The following SLC35F1 variants were observed in gnomAD, a reference collection of about 807,000 sequenced individuals.
The protein encoded by SLC35F1 is solute carrier family 35 member F1, also known as chromosome 6 open reading frame 169.
Under a neutral mutation model 48.7 loss-of-function variants are expected in SLC35F1, and 14 were observed. The ratio of observed to expected loss-of-function variants is 0.29; its 90% CI spans 0.19 to 0.45. The LOEUF is 0.45. Ranked by LOEUF, SLC35F1 falls within the 20% of genes least tolerant of loss-of-function variation. The pLI, the probability that SLC35F1 is intolerant of heterozygous loss-of-function variation, is 1.00. For synonymous variants in SLC35F1, 190 were observed against 202.2 expected, an observed-to-expected ratio of 0.94 and a Z score of 0.51; for missense variants, 404 against 500.0, an observed-to-expected ratio of 0.81 and a Z score of 1.83.
At chr6:118,040,242 T>C (rs1238861687) in intron 1 of SLC35F1, among the ~76,000 whole-genome samples, 1 of 152,186 alleles carries the variant, frequency 6.6e-6, no homozygotes, top group Admixed American at 6.5e-5. Flanking sequence ...CTACCTACAC[T>C]GTAAGGCTGC....
intron 1 of SLC35F1, among the ~76,000 whole-genome samples, chr6:118,007,033 T>G (rs965137699): frequency 1.3e-4 from 20 of 151,354 alleles, no homozygotes; most frequent in Middle Eastern, 3.4e-3. Context: ...ACATGTTGTT[T>G]TTTTTTTTTA....
At chr6:118,085,917 A>C (rs1449904724) in intron 1 of SLC35F1, among the ~76,000 whole-genome samples, 1 of 152,106 alleles carries the variant, frequency 6.6e-6, no homozygotes, top group Non-Finnish European at 1.5e-5. Context: ...TTCTATGCTG[A>C]CTTCTGATGA....
intron 2 of SLC35F1, among the ~76,000 whole-genome samples, chr6:118,168,129 C>T (rs910489304): frequency 5.9e-5 from 9 of 152,140 alleles, no homozygotes; most frequent in African/African-American, 1.4e-4. Flanking sequence ...CCAGTCCCTG[C>T]GCTGTCTTCC....
intron 1 of SLC35F1, among the ~76,000 whole-genome samples, chr6:118,135,499 C>G (rs983809570): frequency 6.6e-6 from 1 of 152,166 alleles, no homozygotes; most frequent in Non-Finnish European, 1.5e-5. Flanking sequence ...CATTTAGATG[C>G]CGGGTACCAG....
At chr6:117,998,350 A>ACATTAGACAGAT (rs1248074332) in intron 1 of SLC35F1, among the ~76,000 whole-genome samples, 1 of 151,398 alleles carries the variant, frequency 6.6e-6, no homozygotes, top group Non-Finnish European at 1.5e-5. Context: ...CCCACTGTCA[A>ACATTAGACAGAT]CATTAGACAG....
intron 2 of SLC35F1, among the ~76,000 whole-genome samples, chr6:118,214,840 C>T (rs150452858): frequency 6.6e-6 from 1 of 152,210 alleles, no homozygotes; most frequent in Non-Finnish European, 1.5e-5. Context: ...AAATGGTAGG[C>T]CATGAGTGCT....
intron 1 of SLC35F1, among the ~76,000 whole-genome samples, chr6:118,056,364 T>C (rs2114263846): frequency 6.6e-6 from 1 of 152,320 alleles, no homozygotes; most frequent in Middle Eastern, 3.4e-3. Flanking sequence ...TGACATAGTG[T>C]AAGCAGATAA....
At chr6:118,261,671 G>T (rs970448395) in intron 3 of SLC35F1, among the ~76,000 whole-genome samples, 14 of 152,088 alleles carry the variant, frequency 9.2e-5, no homozygotes, top group Non-Finnish European at 2.1e-4. Flanking sequence ...CTTCCAAGGG[G>T]GTTTTGCAGG....
intron 1 of SLC35F1, among the ~76,000 whole-genome samples, chr6:117,951,857 G>A (rs1776366557): frequency 6.6e-6 from 1 of 152,170 alleles, no homozygotes; most frequent in African/African-American, 2.4e-5. Flanking sequence ...AAATGACAAG[G>A]GATTCAGTCC....
intron 1 of SLC35F1, among the ~76,000 whole-genome samples, chr6:118,125,983 G>A (rs7743917): frequency 0.33 from 49,851 of 152,024 alleles, 9,249 homozygotes; most frequent in Non-Finnish European, 0.43. Flanking sequence ...TTTTGCTAGC[G>A]TTTGGCCATG....
chr6:117,995,677 G>A (rs2211099), intron 1 of SLC35F1, among the ~76,000 whole-genome samples: 92,467 of 151,772 alleles, frequency 0.61, 28,630 homozygotes, highest in East Asian at 0.79. Context: ...GGAGCTGGAA[G>A]TTGCAGTGAG....
chr6:118,166,856 C>T (rs1227088543), intron 2 of SLC35F1, among the ~76,000 whole-genome samples: 1 of 152,136 alleles, frequency 6.6e-6, no homozygotes, highest in Non-Finnish European at 1.5e-5. Flanking sequence ...ACCTGGTACG[C>T]AAGCCAAGGA....
chr6:118,099,537 C>A (rs188131613), intron 1 of SLC35F1, among the ~76,000 whole-genome samples: 3 of 151,962 alleles, frequency 2.0e-5, no homozygotes, highest in African/African-American at 7.2e-5. Context: ...CCTGTTCCCC[C>A]CAAGAATTCC....
rs1463494563 is a variant in SLC35F1 at position 118,210,479 on chromosome 6, G to A, written c.350-25030G>A. On this transcript the variant is annotated intron_variant, in intron 2 of 7. Transcript: ENST00000360388. ...AAAGAAACGAAGTACAAACAAAAGA[G>A]TAGAAAAACTGAAGGGTAGTGTGGA... Among the ~76,000 whole-genome samples the A allele has an allele frequency of 3.3e-5, 5 of 152,188 alleles. No individual in the cohort carries two copies. The South Asian group carries it at 8.3e-4, about 25-fold the overall frequency.
intron 1 of SLC35F1, among the ~76,000 whole-genome samples, chr6:118,038,615 TA>T (rs1582632589): frequency 6.6e-6 from 1 of 151,876 alleles, no homozygotes; most frequent in South Asian, 2.1e-4. Flanking sequence ...TACTTCTAAA[TA>T]TTTTATTATT....
chr6:117,951,587 C>A (rs796222487), intron 1 of SLC35F1, among the ~76,000 whole-genome samples: 26 of 152,266 alleles, frequency 1.7e-4, no homozygotes, highest in African/African-American at 6.0e-4. Flanking sequence ...TAAAAGAAAA[C>A]ATTTCTGCAA....
chr6:117,973,086 A>G (rs1012970160), intron 1 of SLC35F1, among the ~76,000 whole-genome samples: 4 of 152,190 alleles, frequency 2.6e-5, no homozygotes, highest in African/African-American at 9.7e-5. Flanking sequence ...AATATCTCAC[A>G]GGAGGCTGGA....
chr6:118,048,530 T>G (rs999687412), intron 1 of SLC35F1, among the ~76,000 whole-genome samples: 58 of 152,260 alleles, frequency 3.8e-4, no homozygotes, highest in African/African-American at 1.4e-3. Flanking sequence ...GGATACAAAA[T>G]CAATGTACAA....
At chr6:118,197,711 C>CTT (rs112320019) in intron 2 of SLC35F1, among the ~76,000 whole-genome samples, 49 of 146,246 alleles carry the variant, frequency 3.4e-4, no homozygotes, top group African/African-American at 1.1e-3. Flanking sequence ...GGTTTTCTTT[C>CTT]TTTTTTTTTT....
Sources: allele counts gnomAD v4.1 joint callset (sites outside exome capture counted in the v4.1 genomes callset), GRCh38; gene constraint gnomAD v4.1.1; transcripts MANE v1.5; gene names NCBI Gene and HGNC (gene_info 2026-07-23, HGNC 2026-07-21).